Variants in DOCK9 observed in about 807,000 individuals in gnomAD.
DOCK9 encodes the protein dedicator of cytokinesis protein 9.
A neutral mutation model predicts 263.3 loss-of-function variants in DOCK9; 89 were observed. That is an observed-to-expected ratio of 0.34 (90% CI 0.28 to 0.40). The LOEUF (loss-of-function observed/expected upper bound fraction) is 0.40, where lower values mean the gene tolerates loss of function less well. Among genes scored for constraint, DOCK9 ranks in the 10% least tolerant of loss-of-function variants. The pLI, the probability that DOCK9 is intolerant of heterozygous loss-of-function variation, is 1.00. For missense variants in DOCK9, 2,140 were observed against 2,603.4 expected, an observed-to-expected ratio of 0.82 and a Z score of 3.87; for synonymous variants, 976 against 973.1, an observed-to-expected ratio of 1.00 and a Z score of -0.06.
intron 38 of DOCK9, among the ~76,000 whole-genome samples, chr13:98,839,793 G>A (rs1187094298): frequency 1.3e-5 from 2 of 152,188 alleles, no homozygotes; most frequent in Non-Finnish European, 2.9e-5. Context: ...AATGGACTAT[G>A]CTAATTAAGT....
chr13:98,841,315 G>C (rs756903657), intron 38 of DOCK9, among the ~76,000 whole-genome samples: 2 of 152,074 alleles, frequency 1.3e-5, no homozygotes, highest in Non-Finnish European at 2.9e-5. Context: ...TCTGAAAGTG[G>C]GACCTCATAT....
chr13:98,880,540 G>T lies in DOCK9; in HGVS notation c.2871+7C>A. On this transcript the variant is annotated splice_region_variant and intron_variant, in intron 26 of 52. Transcript: ENST00000682017. ...CAATCAGAGCCACACTGACTCTCCT[G>T]ACATACCTTCAGTAGTTTGTTGCTG... 6.2e-7 allele frequency: 1 copy of T among 1,613,768 alleles called. No individual in the cohort carries two copies. Among genetic ancestry groups the T allele is most frequent in the South Asian group, 1.1e-5 (1 of 90,996 alleles).
chr13:98,886,505 C>A, intron 19 of DOCK9, 27 bp downstream of exon 19: 2 of 1,600,868 alleles, frequency 1.2e-6, no homozygotes, highest in Non-Finnish European at 1.7e-6. Context: ...TGGTCAAATT[C>A]GGTTTTCCCT....
intron 1 of DOCK9, among the ~76,000 whole-genome samples, chr13:98,987,761 T>C (rs1222125180): frequency 3.3e-5 from 5 of 152,256 alleles, no homozygotes; most frequent in African/African-American, 4.8e-5. Context: ...ACATAGTTAC[T>C]ATGCTTTGGA....
chr13:99,055,819 C>A (rs114421172), intron 1 of DOCK9, among the ~76,000 whole-genome samples: 2 of 151,714 alleles, frequency 1.3e-5, no homozygotes, highest in Non-Finnish European at 2.9e-5. Flanking sequence ...TAGATACAGG[C>A]TAAGACAGCT....
intron 2 of DOCK9, among the ~76,000 whole-genome samples, chr13:98,931,213 T>C (rs1345050565): frequency 6.6e-6 from 1 of 152,268 alleles, no homozygotes; most frequent in Admixed American, 6.5e-5. Context: ...TTAAATAAAA[T>C]GACAGGGCAG....
intron 13 of DOCK9, among the ~76,000 whole-genome samples, chr13:98,898,731 G>C (rs1399476069): frequency 6.6e-6 from 1 of 152,152 alleles, no homozygotes; most frequent in African/African-American, 2.4e-5. Flanking sequence ...CAATATAAGG[G>C]ATAAGATATT....
chr13:98,815,780 C>T (rs1375826993), intron 45 of DOCK9, among the ~76,000 whole-genome samples: 2 of 152,122 alleles, frequency 1.3e-5, no homozygotes, highest in South Asian at 2.1e-4. Context: ...CGCGCCCGGC[C>T]GAGAAATGTA....
intron 29 of DOCK9, 79 bp downstream of exon 29, chr13:98,867,849 A>G: frequency 7.2e-7 from 1 of 1,379,500 alleles, no homozygotes; most frequent in Non-Finnish European, 9.9e-7. Context: ...GAGCTTTAAA[A>G]AAAAAAAAGG....
At chr13:98,924,490 T>C (rs1248438263) in intron 4 of DOCK9, among the ~76,000 whole-genome samples, 3 of 152,236 alleles carry the variant, frequency 2.0e-5, no homozygotes, top group African/African-American at 7.2e-5. Context: ...ATAATTCAAT[T>C]TGCCAACTGC....
At chr13:98,959,317 G>A (rs1595657978) in intron 1 of DOCK9, 2 of 152,176 alleles carry the variant, frequency 1.3e-5, no homozygotes, top group East Asian at 1.9e-4. Flanking sequence ...GAAAACTCAT[G>A]GTACTGACTG....
intron 27 of DOCK9, among the ~76,000 whole-genome samples, chr13:98,877,458 G>A (rs141346266): frequency 3.3e-5 from 5 of 152,104 alleles, no homozygotes; most frequent in African/African-American, 7.2e-5. Context: ...CATCTTTCAC[G>A]TGGTCTTCCT....
At chr13:98,995,307 T>C (rs1478801649) in intron 1 of DOCK9, among the ~76,000 whole-genome samples, 1 of 152,072 alleles carries the variant, frequency 6.6e-6, no homozygotes. Context: ...GGAAGGAGTA[T>C]TGGGAGATGT....
At chr13:98,889,945 G>T (rs1478830074) in intron 15 of DOCK9, among the ~76,000 whole-genome samples, 3 of 152,134 alleles carry the variant, frequency 2.0e-5, no homozygotes, top group African/African-American at 7.2e-5. Flanking sequence ...CCATCCTAGT[G>T]ACTCACAGGA....
chr13:98,849,704 T>G (rs192941107), intron 36 of DOCK9, among the ~76,000 whole-genome samples: 30 of 152,332 alleles, frequency 2.0e-4, no homozygotes, highest in African/African-American at 7.2e-4. Context: ...CTTTTCTGAC[T>G]CAGTTTCTGC....
intron 9 of DOCK9, among the ~76,000 whole-genome samples, chr13:98,913,443 G>A (rs994760676): frequency 5.3e-5 from 8 of 152,010 alleles, no homozygotes; most frequent in African/African-American, 1.9e-4. Context: ...GAAAATAATA[G>A]AACAGCTAAA....
At position 99,035,243 on chromosome 13, in the gene DOCK9, T is replaced by C. The variant is rs73560022; in HGVS notation, c.129+50980A>G. ...TGAGCAGATTTAATATTAGTAAACA[T>C]TCTGAACTCCAATCAAATGTAATGC... On this transcript the variant is annotated intron_variant, in intron 1 of 32. Transcript: ENST00000427887. 3.6e-3 allele frequency among the ~76,000 whole-genome samples: 548 copies of C among 152,346 alleles called. 1 individual carries two copies. Among genetic ancestry groups the C allele is most frequent in the African/African-American group, 0.012 (518 of 41,586 alleles).
At chr13:99,052,040 A>G (rs1364864949) in intron 1 of DOCK9, among the ~76,000 whole-genome samples, 4 of 152,154 alleles carry the variant, frequency 2.6e-5, no homozygotes, top group African/African-American at 7.2e-5. Flanking sequence ...GCCAAGTACC[A>G]TTCCTGTTTA....
intron 40 of DOCK9, 28 bp from the exon 41 acceptor site, chr13:98,831,558 T>C (rs758120174): frequency 6.3e-7 from 1 of 1,587,526 alleles, no homozygotes. Context: ...AAGCAGCAGA[T>C]AAACCACAGA....
Sources: allele counts gnomAD v4.1 joint callset (sites outside exome capture counted in the v4.1 genomes callset), GRCh38; gene constraint gnomAD v4.1.1; transcripts MANE v1.5; gene names NCBI Gene and HGNC (gene_info 2026-07-23, HGNC 2026-07-21).